The following FAP variants were observed in gnomAD, a reference collection of about 807,000 sequenced individuals.
FAP encodes the protein prolyl endopeptidase FAP.
A neutral mutation model predicts 126.5 loss-of-function variants in FAP; 110 were observed. The observed-to-expected ratio is 0.87, with a 90% CI of 0.74 to 1.02. FAP has a LOEUF of 1.02. Ranked by LOEUF, FAP falls within the 50% of genes least tolerant of loss-of-function variation. FAP has a pLI of 0.00. For synonymous variants in FAP, 334 were observed against 297.3 expected (o/e 1.12, Z -1.27); for missense variants, 919 against 909.2 (o/e 1.01, Z -0.14).
intron 11 of FAP, 22 bp downstream of exon 11, chr2:162,213,916 C>T (rs1480044756): frequency 3.1e-6 from 5 of 1,606,394 alleles, no homozygotes; most frequent in Non-Finnish European, 4.3e-6. Flanking sequence ...AAATACGTAT[C>T]TGTGATCTTA....
At chr2:162,222,820 C>T (rs114155840) in intron 6 of FAP, among the ~76,000 whole-genome samples, 2,669 of 152,252 alleles carry the variant, frequency 0.018, 26 homozygotes, top group Middle Eastern at 0.034. Flanking sequence ...TGTTCCCCAA[C>T]CTTACACCAC....
Position 162,189,082 on chromosome 2 carries a change from A to G in FAP, c.1619+21T>C, listed in dbSNP as rs750223743. 5.4e-6 allele frequency: 8 copies of G among 1,486,336 alleles called. No individual in the cohort carries two copies. The African/African-American group carries it at 7.0e-5, about 13-fold the overall frequency. The allele number at this position is 1,486,336 out of a possible 1,614,324, so 92.1% of individuals were successfully genotyped here. ...CATATTTTCAGTAAATAGTTTTTAC[A>G]CCAAAGAAAATATTACATACACTTG... On this transcript the variant is annotated intron_variant, in intron 19 of 25. Transcript: ENST00000188790.
At position 162,235,582 on chromosome 2, in the gene FAP, G is replaced by A. The variant is rs780179878; in HGVS notation, c.91+7326C>T. Among the ~76,000 whole-genome samples, 11 of 152,152 alleles carry A rather than the reference G, an allele frequency of 7.2e-5. No homozygotes were observed. In the East Asian group the frequency reaches 1.3e-3, roughly 19 times the overall value. On this transcript the variant is annotated intron_variant, in intron 2 of 25. Coordinates refer to ENST00000188790, the MANE Select transcript of FAP (RefSeq NM_004460.5). ...TGTGTCTGGCTCAGGGATTGTAAACGCACCAATCAGCACCCTATCAAAACA... is the reference window on the plus strand; with the variant it reads ...TGTGTCTGGCTCAGGGATTGTAAACACACCAATCAGCACCCTATCAAAACA...
intron 25 of FAP, chr2:162,172,464 T>A (rs1450057826): frequency 5.2e-6 from 1 of 193,454 alleles, no homozygotes; most frequent in East Asian, 1.2e-4. Flanking sequence ...CAGAATCTTC[T>A]AGCTGTTTAA....
At chr2:162,217,060 T>A (rs982728310) in intron 9 of FAP, among the ~76,000 whole-genome samples, 3 of 152,038 alleles carry the variant, frequency 2.0e-5, no homozygotes, top group Non-Finnish European at 4.4e-5. Context: ...GCTTTTAGAG[T>A]TTTTACACAG....
chr2:162,176,036 A>G (rs541684624), intron 21 of FAP: 24 of 152,276 alleles, frequency 1.6e-4, no homozygotes, highest in African/African-American at 4.8e-4. Context: ...CTAAAGCCAT[A>G]CCATGTTTTT....
At chr2:162,189,060 A>G in intron 19 of FAP, 43 bp downstream of exon 19, 1 of 1,254,078 alleles carries the variant, frequency 8.0e-7, no homozygotes, top group South Asian at 1.3e-5. Flanking sequence ...CATCTAACAT[A>G]TTTTCAGTAA....
chr2:162,198,772 C>T lies in FAP; in HGVS notation c.1387G>A (p.Ala463Thr). The change falls in exon 16 of 26, where the codon GCA (alanine) becomes ACA (threonine). Residue 463 changes from alanine to threonine, a missense_variant. Ala to Thr is a moderately conservative substitution (Grantham distance 58). Transcript: ENST00000188790. ...CGTTACCTACCGTAGCAGACAAGTG[C>T]ATAGTACTTGGCGTAGTCGCTGAAA... ...ASFSDYAKYYALVCYGPGIPI... is the reference protein window; with the variant it reads ...ASFSDYAKYYTLVCYGPGIPI... 1 of 1,614,140 alleles carries T rather than the reference C, an allele frequency of 6.2e-7. No individual in the cohort carries two copies.
rs1292962678 is a variant in FAP at position 162,225,474 on chromosome 2, G to GATAC, written c.285+5_285+8dup. On this transcript the variant is annotated intron_variant, in intron 4 of 25. Transcript: ENST00000188790. The stretch of plus-strand genomic sequence containing the variant: ...GTTTCTGAGGGGGAAGATGATGTTG[G>GATAC]ATACATACCATGGTTCTATTACTCA... 4 of 1,594,652 alleles carry GATAC rather than the reference G, an allele frequency of 2.5e-6. No individual in the cohort carries two copies. In the African/African-American group the frequency reaches 5.4e-5, roughly 22 times the overall value.
chr2:162,223,798 T>C, intron 5 of FAP, 138 bp from the exon 6 acceptor site: 1 of 624,190 alleles, frequency 1.6e-6, no homozygotes. Flanking sequence ...GAAGAATATG[T>C]TTCAATTCCA....
At chr2:162,192,291 C>G (rs767561166) in intron 17 of FAP, among the ~76,000 whole-genome samples, 14 of 152,080 alleles carry the variant, frequency 9.2e-5, no homozygotes, top group Non-Finnish European at 1.8e-4. Flanking sequence ...GTCAATCTCC[C>G]TCTTGCTAAG....
At chr2:162,212,947 AT>A (rs1689003590) in intron 11 of FAP, among the ~76,000 whole-genome samples, 1 of 152,222 alleles carries the variant, frequency 6.6e-6, no homozygotes, top group Non-Finnish European at 1.5e-5. Flanking sequence ...TCAACAATAA[AT>A]CTGTGCTTAG....
At chr2:162,192,295 T>C (rs1688076878) in intron 17 of FAP, among the ~76,000 whole-genome samples, 1 of 152,116 alleles carries the variant, frequency 6.6e-6, no homozygotes, top group Non-Finnish European at 1.5e-5. Context: ...ATCTCCCTCT[T>C]GCTAAGTCCA....
chr2:162,228,297 A>G (rs548632436), intron 2 of FAP, among the ~76,000 whole-genome samples: 1 of 152,204 alleles, frequency 6.6e-6, no homozygotes, highest in South Asian at 2.1e-4. Context: ...GAGGTACTGG[A>G]CTAGAAGGTG....
intron 20 of FAP, among the ~76,000 whole-genome samples, chr2:162,185,580 G>T (rs1687838644): frequency 6.6e-6 from 1 of 152,130 alleles, no homozygotes; most frequent in Non-Finnish European, 1.5e-5. Context: ...CACATAGATA[G>T]AAGTTATAAG....
intron 4 of FAP, among the ~76,000 whole-genome samples, chr2:162,225,035 A>G (rs1009551869): frequency 1.3e-5 from 2 of 152,178 alleles, no homozygotes; most frequent in Non-Finnish European, 2.9e-5. Context: ...CACTTATTCT[A>G]TGTTAGGCAC....
intron 2 of FAP, among the ~76,000 whole-genome samples, chr2:162,227,988 T>C (rs1159781155): frequency 1.3e-5 from 2 of 152,134 alleles, no homozygotes; most frequent in Non-Finnish European, 2.9e-5. Context: ...TTTGTAATCG[T>C]GTGTATATTT....
chr2:162,183,497 T>A (rs747799768), intron 20 of FAP, 29 bp from the exon 21 acceptor site: 8 of 1,362,904 alleles, frequency 5.9e-6, no homozygotes, highest in Non-Finnish European at 7.3e-6. Flanking sequence ...ATTTTTAGAA[T>A]GTTAAGTGTA....
At chr2:162,195,779 C>A (rs960606342) in intron 16 of FAP, among the ~76,000 whole-genome samples, 7 of 152,004 alleles carry the variant, frequency 4.6e-5, no homozygotes, top group African/African-American at 2.4e-5. Flanking sequence ...TGGAAATATA[C>A]CTTTTAAGCA....
Sources: allele counts gnomAD v4.1 joint callset (sites outside exome capture counted in the v4.1 genomes callset), GRCh38; gene constraint gnomAD v4.1.1; transcripts MANE v1.5; gene names NCBI Gene and HGNC (gene_info 2026-07-23, HGNC 2026-07-21).